Variants in STK3 observed in about 807,000 individuals in gnomAD.
The protein encoded by STK3 is serine/threonine kinase 3.
A neutral mutation model predicts 58.0 loss-of-function variants in STK3; 41 were observed. The ratio of observed to expected loss-of-function variants is 0.71; its 90% confidence interval spans 0.55 to 0.92. STK3 has a LOEUF of 0.92. Ranked by LOEUF, STK3 falls within the 40% of genes least tolerant of loss-of-function variation. STK3 has a pLI of 0.00. For synonymous variants in STK3, 170 were observed against 191.0 expected, an observed-to-expected ratio of 0.89 and a Z score of 0.91; for missense variants, 479 against 602.7, an observed-to-expected ratio of 0.79 and a Z score of 2.15.
intron 1 of STK3, among the ~76,000 whole-genome samples, chr8:98,941,432 C>T (rs1214126862): frequency 1.3e-5 from 2 of 152,226 alleles, no homozygotes. Flanking sequence ...GTCCCCGCCC[C>T]GCAGAGGCAG....
chr8:98,739,809 G>T, intron 4 of STK3, among the ~76,000 whole-genome samples: 1 of 148,440 alleles, frequency 6.7e-6, no homozygotes, highest in African/African-American at 2.5e-5. Flanking sequence ...GCTACAGGAG[G>T]AAATTCAAAC....
At chr8:98,698,471 C>A (rs541762682) in intron 6 of STK3, among the ~76,000 whole-genome samples, 2,663 of 152,242 alleles carry the variant, frequency 0.017, 75 homozygotes, top group African/African-American at 0.061. Flanking sequence ...ATGGTCTTTA[C>A]AATTTGGCAT....
At chr8:98,902,501 C>T (rs553973886) in intron 1 of STK3, among the ~76,000 whole-genome samples, 1 of 152,286 alleles carries the variant, frequency 6.6e-6, no homozygotes, top group Admixed American at 6.5e-5. Context: ...TACCTGAGAC[C>T]TAGAAGTCAT....
At chr8:98,802,455 A>G (rs991746975) in intron 1 of STK3, among the ~76,000 whole-genome samples, 2 of 152,200 alleles carry the variant, frequency 1.3e-5, no homozygotes, top group Non-Finnish European at 2.9e-5. Context: ...TAAAGGATGC[A>G]GTATATATAG....
chr8:98,553,927 G>A (rs1470680530), intron 8 of STK3, among the ~76,000 whole-genome samples: 5 of 151,762 alleles, frequency 3.3e-5, no homozygotes, highest in African/African-American at 4.8e-5. Flanking sequence ...ATGGCACCTG[G>A]GAGACAGAGT....
At chr8:98,601,430 A>G (rs1816338095) in intron 6 of STK3, 1 of 152,212 alleles carries the variant, frequency 6.6e-6, no homozygotes, top group Non-Finnish European at 1.5e-5. Context: ...AAAAGTGAAC[A>G]AAAGCCAACA....
intron 4 of STK3, among the ~76,000 whole-genome samples, chr8:98,739,275 C>T (rs370670522): frequency 1.7e-3 from 265 of 152,316 alleles, no homozygotes; most frequent in Middle Eastern, 0.01. Context: ...GATCTGAGAA[C>T]GGGCAGACTG....
chr8:98,598,150 T>C (rs1815994204), intron 6 of STK3: 2 of 985,328 alleles, frequency 2.0e-6, no homozygotes, highest in African/African-American at 1.7e-5. Flanking sequence ...ATTGTTCATC[T>C]GCACTTCTGT....
intron 8 of STK3, among the ~76,000 whole-genome samples, chr8:98,571,924 ATCAGTC>A (rs1308647139): frequency 2.6e-5 from 4 of 152,194 alleles, no homozygotes; most frequent in African/African-American, 7.2e-5. Context: ...TAAACTCCTT[ATCAGTC>A]TTTTAAAGTG....
At chr8:98,741,116 A>G (rs186550076) in intron 4 of STK3, among the ~76,000 whole-genome samples, 1 of 152,314 alleles carries the variant, frequency 6.6e-6, no homozygotes, top group East Asian at 1.9e-4. Flanking sequence ...TGACCTACAT[A>G]GAGACTTAGA....
At chr8:98,572,875 T>C (rs953258819) in intron 8 of STK3, among the ~76,000 whole-genome samples, 2 of 152,164 alleles carry the variant, frequency 1.3e-5, no homozygotes, top group Non-Finnish European at 2.9e-5. Context: ...AAAAAGACTA[T>C]AAGAGTTTTA....
intron 10 of STK3, among the ~76,000 whole-genome samples, chr8:98,465,988 C>T (rs1281706534): frequency 1.3e-5 from 2 of 152,046 alleles, no homozygotes; most frequent in Non-Finnish European, 2.9e-5. Context: ...CATTCTAGGC[C>T]CAGGACAACA....
chr8:98,843,925 C>A (rs1836093962), intron 3 of STK3, among the ~76,000 whole-genome samples: 1 of 152,194 alleles, frequency 6.6e-6, no homozygotes, highest in Non-Finnish European at 1.5e-5. Context: ...CTTTGGGAGG[C>A]CGAGTGGGAG....
intron 6 of STK3, among the ~76,000 whole-genome samples, chr8:98,650,631 C>T (rs1397089986): frequency 6.6e-6 from 1 of 152,238 alleles, no homozygotes; most frequent in African/African-American, 2.4e-5. Context: ...GGGTCACTCC[C>T]ACCCTAATAC....
intron 10 of STK3, among the ~76,000 whole-genome samples, chr8:98,522,604 CATT>C (rs1430515491): frequency 6.6e-6 from 1 of 152,082 alleles, no homozygotes; most frequent in Non-Finnish European, 1.5e-5. Context: ...AGTTAAGTGG[CATT>C]ATTTACATTC....
rs189690759 is a variant in STK3, at chr8:98,558,604, T to C, written c.949-10443A>G. ...TCTAAATTGCTTTTATATGAAAAGATTTATGATTGTATATATCTTATGTTC... is the reference window on the plus strand; with the variant it reads ...TCTAAATTGCTTTTATATGAAAAGACTTATGATTGTATATATCTTATGTTC... On this transcript the variant is annotated intron_variant, in intron 8 of 10. Transcript: ENST00000419617. Among the ~76,000 whole-genome samples the C allele has an allele frequency of 3.5e-3, 535 of 152,232 alleles. 1 individual carries two copies. The highest frequency in any genetic ancestry group is 6.0e-3 in the Non-Finnish European group (411 of 67,966).
At chr8:98,498,386 A>T (rs1823310825) in intron 10 of STK3, among the ~76,000 whole-genome samples, 1 of 152,272 alleles carries the variant, frequency 6.6e-6, no homozygotes, top group East Asian at 1.9e-4. Context: ...TCCATTCTGC[A>T]GTAACATGTC....
At chr8:98,785,558 C>T (rs990473994) in intron 1 of STK3, among the ~76,000 whole-genome samples, 3 of 152,156 alleles carry the variant, frequency 2.0e-5, no homozygotes, top group Non-Finnish European at 2.9e-5. Flanking sequence ...TCCCTCTGCC[C>T]CCTCAGGGCT....
intron 1 of STK3, among the ~76,000 whole-genome samples, chr8:98,821,895 A>C (rs1456680465): frequency 6.6e-6 from 1 of 152,198 alleles, no homozygotes; most frequent in African/African-American, 2.4e-5. Context: ...ATGATTCTTG[A>C]ACTGGGCTAC....
Sources: gnomAD v4.1 joint callset for allele counts (sites outside exome capture counted in the v4.1 genomes callset) on GRCh38, gnomAD v4.1.1 for gene constraint, MANE v1.5 for transcripts, NCBI Gene and HGNC (gene_info 2026-07-23, HGNC 2026-07-21) for gene names.